COL4A6: variants seen among roughly 807,000 people sequenced by gnomAD.
COL4A6 encodes the protein collagen type IV alpha 6 chain.
Under a neutral mutation model 126.7 loss-of-function variants are expected in COL4A6, and 59 were observed. The ratio of observed to expected loss-of-function variants is 0.47; its 90% CI spans 0.38 to 0.58. COL4A6 has a LOEUF of 0.58. Among genes scored for constraint, COL4A6 ranks in the 20% least tolerant of loss-of-function variants. The pLI, the probability that COL4A6 is intolerant of heterozygous loss-of-function variation, is 0.00. For missense variants in COL4A6, 1,285 were observed against 1,337.3 expected (o/e 0.96, Z 0.61); for synonymous variants, 547 against 496.6 (o/e 1.10, Z -1.35).
chrX:108,282,304 AAAAC>A (rs759729393), intron 3 of COL4A6, among the ~76,000 whole-genome samples: 2 of 103,154 alleles, frequency 1.9e-5, no homozygotes, highest in South Asian at 4.9e-4. Context: ...TTACAAGAAA[AAAAC>A]AAACAACCCC....
intron 19 of COL4A6, 107 bp downstream of exon 19, chrX:108,191,286 C>G: frequency 1.0e-5 from 10 of 979,368 alleles, no homozygotes; most frequent in Non-Finnish European, 1.4e-5. Flanking sequence ...ATCATGTATC[C>G]TGGCTTAGCT....
intron 3 of COL4A6, among the ~76,000 whole-genome samples, chrX:108,242,245 A>G (rs1271043516): frequency 8.9e-6 from 1 of 111,902 alleles, no homozygotes; most frequent in Non-Finnish European, 1.9e-5. Context: ...AAAAATACCT[A>G]ACATAAAATT....
intron 2 of COL4A6, among the ~76,000 whole-genome samples, chrX:108,343,165 A>ATATATAGTGTGTGTGTGTGT (rs1377817612): frequency 3.8e-4 from 12 of 31,410 alleles, no homozygotes; most frequent in African/African-American, 1.1e-3. Context: ...ATATATATAT[A>ATATATAGTGTGTGTGTGTGT]GTGTGTGTGT....
chrX:108,214,940 TG>T (rs1216705515), intron 5 of COL4A6, among the ~76,000 whole-genome samples: 1 of 112,241 alleles, frequency 8.9e-6, no homozygotes, highest in African/African-American at 3.2e-5. Flanking sequence ...TGGGCTTCCT[TG>T]GTACATAGAG....
intron 2 of COL4A6, among the ~76,000 whole-genome samples, chrX:108,311,537 C>T (rs1448758817): frequency 9.0e-6 from 1 of 111,489 alleles, no homozygotes; most frequent in Non-Finnish European, 1.9e-5. Context: ...TTCAGTCACA[C>T]AGGAGGGCGT....
chrX:108,197,774 T>TA (rs1352362685), intron 13 of COL4A6, among the ~76,000 whole-genome samples: 1 of 90,697 alleles, frequency 1.1e-5, no homozygotes, highest in East Asian at 3.3e-4. Context: ...TTGGGAGGAG[T>TA]GTGTGTGTGT....
intron 3 of COL4A6, among the ~76,000 whole-genome samples, chrX:108,230,406 A>T (rs769784985): frequency 9.1e-6 from 1 of 110,270 alleles, no homozygotes; most frequent in South Asian, 3.9e-4. Flanking sequence ...ATCCTAAAAA[A>T]CTCCTTGTGG....
At chrX:108,370,111 A>T in intron 2 of COL4A6, among the ~76,000 whole-genome samples, 1 of 112,382 alleles carries the variant, frequency 8.9e-6, no homozygotes, top group Middle Eastern at 4.6e-3. Context: ...CAAAGCAGCC[A>T]TGTTTCAGGG....
At chrX:108,219,015 G>A (rs1003342301) in intron 5 of COL4A6, among the ~76,000 whole-genome samples, 1 of 112,289 alleles carries the variant, frequency 8.9e-6, no homozygotes, top group Admixed American at 9.4e-5. Flanking sequence ...AAAGGCTGGT[G>A]CAATGCTACC....
chrX:108,420,952 C>T (rs2063972985), intron 2 of COL4A6, among the ~76,000 whole-genome samples: 1 of 111,557 alleles, frequency 9.0e-6, no homozygotes, highest in Non-Finnish European at 1.9e-5. Context: ...TAAAAGTGAC[C>T]GGGCCAACAA....
At chrX:108,200,334 T>A in intron 13 of COL4A6, among the ~76,000 whole-genome samples, 1 of 112,522 alleles carries the variant, frequency 8.9e-6, no homozygotes, top group Non-Finnish European at 1.9e-5. Context: ...CATACTACGT[T>A]TTTGAGATCT....
Position 108,239,303 on chromosome X carries a change from A to G in COL4A6, c.145-17929T>C, listed in dbSNP as rs1011522883. On this transcript the variant is annotated intron_variant, in intron 3 of 44. Transcript: ENST00000334504. ...TCAGGTTATAGAGAAATTCTCCTAC[A>G]TTTACAGTTTTACCTTTCACATTTA... Among the ~76,000 whole-genome samples, 4 of 112,152 alleles carry G rather than the reference A, an allele frequency of 3.6e-5. No individual in the cohort carries two copies. The South Asian group carries it at 1.5e-3, about 42-fold the overall frequency.
chrX:108,237,867 TATC>T (rs2148310265), intron 3 of COL4A6, among the ~76,000 whole-genome samples: 1 of 29,804 alleles, frequency 3.4e-5, no homozygotes, highest in South Asian at 1.2e-3. Flanking sequence ...ATCATCTATC[TATC>T]TATCTATCTA....
intron 2 of COL4A6, among the ~76,000 whole-genome samples, chrX:108,334,614 T>C (rs772165554): frequency 8.9e-6 from 1 of 111,769 alleles, no homozygotes; most frequent in East Asian, 2.8e-4. Context: ...TTATAATAAA[T>C]GGCTGAGTGA....
intron 3 of COL4A6, among the ~76,000 whole-genome samples, chrX:108,250,446 C>T (rs12557222): frequency 0.028 from 3,148 of 110,817 alleles, 83 homozygotes; most frequent in East Asian, 0.17. Context: ...AATTCTAGCC[C>T]CCTTGTCATC....
chrX:108,241,245 A>G (rs2036564995), intron 3 of COL4A6, among the ~76,000 whole-genome samples: 1 of 110,806 alleles, frequency 9.0e-6, no homozygotes, highest in African/African-American at 3.3e-5. Context: ...TGTGCTAAGC[A>G]TCTCATAAAG....
chrX:108,293,735 G>A (rs904515485), intron 3 of COL4A6, among the ~76,000 whole-genome samples: 1 of 111,226 alleles, frequency 9.0e-6, no homozygotes, highest in Non-Finnish European at 1.9e-5. Context: ...ATGACACCTG[G>A]GAATCATTGT....
At chrX:108,179,046 G>A (rs778982913) in intron 26 of COL4A6, among the ~76,000 whole-genome samples, 171 bp downstream of exon 26, 1 of 112,188 alleles carries the variant, frequency 8.9e-6, no homozygotes, top group East Asian at 2.8e-4. Context: ...CAGTAAAGTC[G>A]ACTCAGGCTA....
chrX:108,310,403 T>A (rs2038733183), intron 3 of COL4A6, among the ~76,000 whole-genome samples: 1 of 112,015 alleles, frequency 8.9e-6, no homozygotes, highest in Non-Finnish European at 1.9e-5. Flanking sequence ...TTCCCCAGAC[T>A]GGGAGGGAAG....
Sources: allele counts gnomAD v4.1 joint callset (sites outside exome capture counted in the v4.1 genomes callset), GRCh38; gene constraint gnomAD v4.1.1; transcripts MANE v1.5; gene names NCBI Gene and HGNC (gene_info 2026-07-23, HGNC 2026-07-21).